PIWIL1: variants seen among roughly 807,000 people sequenced by gnomAD.
PIWIL1 encodes piwi-like protein 1.
In PIWIL1, 73 loss-of-function variants were observed where a neutral mutation model predicts 114.4. That is an observed-to-expected ratio of 0.64 (90% CI 0.53 to 0.78). The LOEUF (loss-of-function observed/expected upper bound fraction) is 0.78. PIWIL1 is among the 30% of genes least tolerant of loss of function. The pLI, the probability that PIWIL1 is intolerant of heterozygous loss-of-function variation, is 0.00. For missense variants in PIWIL1, 723 were observed against 1,063.1 expected, an observed-to-expected ratio of 0.68 and a Z score of 4.45; for synonymous variants, 375 against 369.0, an observed-to-expected ratio of 1.02 and a Z score of -0.19.
chr12:130,345,773 T>A lies in PIWIL1; in HGVS notation c.211T>A (p.Phe71Ile). Residue 71 changes from phenylalanine to isoleucine, a missense_variant, in exon 4 of 21, where the codon TTT becomes ATT. By Grantham distance (21) the Phe-to-Ile change is conservative. Around this residue, in one of 8 missense-constraint regions of PIWIL1, gnomAD observed 190 missense variants for 294.4 expected, o/e 0.65. Transcript: ENST00000245255. Reference protein sequence around the residue: ...KSQGLQISAGFQELSLAERGG... With the variant: ...KSQGLQISAGIQELSLAERGG... ...TTAAGGACTCCAGATATCTGCTGGATTTCAGGAGTTATCGTTAGCAGAGAG... is the reference window on the plus strand; with the variant it reads ...TTAAGGACTCCAGATATCTGCTGGAATTCAGGAGTTATCGTTAGCAGAGAG... 1 of 1,614,012 alleles carries A rather than the reference T, an allele frequency of 6.2e-7. No homozygotes were observed. Among genetic ancestry groups the A allele is most frequent in the Non-Finnish European group, 8.5e-7 (1 of 1,179,922 alleles).
the PIWIL1 span, among the ~76,000 whole-genome samples, chr12:130,404,662 G>C: frequency 3.4e-3 from 512 of 152,298 alleles, 7 homozygotes; most frequent in African/African-American, 0.012. Context: ...TTTTCTGACA[G>C]ATGAAAGGAA....
At chr12:130,409,673 C>T in the PIWIL1 span, among the ~76,000 whole-genome samples, 62 of 152,196 alleles carry the variant, frequency 4.1e-4, 2 homozygotes, top group African/African-American at 1.4e-3. Flanking sequence ...AGGCTTCTTT[C>T]ATCTGGATGA....
chr12:130,384,082 T>C, the PIWIL1 span, among the ~76,000 whole-genome samples: 3 of 152,320 alleles, frequency 2.0e-5, no homozygotes, highest in Admixed American at 2.0e-4. Context: ...TGCTAGAAAT[T>C]TTGGTTGTTC....
intron 3 of PIWIL1, chr12:130,345,268 A>G (rs933344413): frequency 6.5e-6 from 1 of 153,456 alleles, no homozygotes; most frequent in Non-Finnish European, 1.5e-5. Flanking sequence ...AGAGTCAGGT[A>G]GTGAGGAAGT....
At chr12:130,405,712 A>AGTTG in the PIWIL1 span, among the ~76,000 whole-genome samples, 3 of 152,164 alleles carry the variant, frequency 2.0e-5, no homozygotes, top group Non-Finnish European at 2.9e-5. Flanking sequence ...TGCTAACAGC[A>AGTTG]GTTGGCTCTA....
chr12:130,367,628 G>A (rs1378176786), intron 19 of PIWIL1, among the ~76,000 whole-genome samples: 1 of 152,202 alleles, frequency 6.6e-6, no homozygotes, highest in East Asian at 1.9e-4. Context: ...GTTGTCTAAA[G>A]GTCAAGAAGT....
chr12:130,393,158 C>T, the PIWIL1 span, among the ~76,000 whole-genome samples: 119 of 109,172 alleles, frequency 1.1e-3, no homozygotes, highest in Admixed American at 1.3e-3. Context: ...ACCATCATCA[C>T]GTGTGTCCGT....
At chr12:130,340,661 T>TGGGGGGGGGGGGGGGGGG (rs2072893442) in intron 1 of PIWIL1, among the ~76,000 whole-genome samples, 1 of 97,500 alleles carries the variant, frequency 1.0e-5, no homozygotes, top group African/African-American at 3.7e-5. Flanking sequence ...GGAGGGGGGT[T>TGGGGGGGGGGGGGGGGGG]GGTGGTGGTG....
In PIWIL1 at chr12:130,346,423, C is replaced by T. The variant is rs748278810; in HGVS notation, c.370C>T (p.Arg124Cys). ...LSTNHFRLTSRPQWALYQYHI... is the reference protein window; with the variant it reads ...LSTNHFRLTSCPQWALYQYHI... ...CACTAACCATTTCCGGCTGACATCC[C>T]GTCCCCAGTGGGCCTTATATCAGTA... is the stretch of plus-strand genomic sequence containing the variant. Residue 124 changes from arginine (R) to cysteine (C), a missense_variant, in exon 5 of 21, where the codon CGT (arginine) becomes TGT (cysteine). Physicochemically the swap from Arg to Cys is radical, Grantham distance 180. Coordinates refer to ENST00000245255, the MANE Select transcript of PIWIL1 (RefSeq NM_004764.5). 5 of 1,613,996 alleles carry T rather than the reference C, an allele frequency of 3.1e-6. No individual in the cohort carries two copies. Among genetic ancestry groups the T allele is most frequent in the African/African-American group, 2.7e-5 (2 of 74,934 alleles).
At chr12:130,425,044 C>G in the PIWIL1 span, 1 of 400,000 alleles carries the variant, frequency 2.5e-6, no homozygotes, top group Non-Finnish European at 4.3e-6. Flanking sequence ...GAATGGGTTA[C>G]GGGGCTGGGG....
chr12:130,362,913 T>C, intron 17 of PIWIL1, 77 bp downstream of exon 17: 1 of 1,611,058 alleles, frequency 6.2e-7, no homozygotes, highest in Non-Finnish European at 8.5e-7. Context: ...GTGTTATTGA[T>C]GGGCCCAGAC....
At position 130,357,187 on chromosome 12, in the gene PIWIL1, C is replaced by T. The variant is rs1381055355; in HGVS notation, c.1592+82C>T. 3.3e-5 allele frequency: 37 copies of T among 1,116,502 alleles called. No individual in the cohort carries two copies. The East Asian group carries it at 7.2e-4, about 22-fold the overall frequency. The allele number at this position is 1,116,502 out of a possible 1,614,324, so 69.2% of individuals were successfully genotyped here. A position where few individuals can be genotyped will look rare whatever the true frequency, so the allele number is the denominator to read the frequency against. The stretch of plus-strand genomic sequence containing the variant: ...TGGGAACTATTAAACATACAAACTA[C>T]GTTATCTTAATTGAAAGGTTTGATG... On this transcript the variant is annotated intron_variant, in intron 13 of 20. Coordinates refer to ENST00000245255, the MANE Select transcript of PIWIL1 (RefSeq NM_004764.5).
the PIWIL1 span, among the ~76,000 whole-genome samples, chr12:130,418,315 A>G: frequency 6.6e-6 from 1 of 152,174 alleles, no homozygotes; most frequent in Non-Finnish European, 1.5e-5. Context: ...TTTTGTTGAT[A>G]GTCCATGAAA....
the PIWIL1 span, among the ~76,000 whole-genome samples, chr12:130,384,938 T>G: frequency 6.6e-6 from 1 of 152,230 alleles, no homozygotes; most frequent in Non-Finnish European, 1.5e-5. Flanking sequence ...GTTTTTGTAT[T>G]TGAAATATTT....
Sources: allele counts gnomAD v4.1 joint callset (sites outside exome capture counted in the v4.1 genomes callset), GRCh38; gene constraint gnomAD v4.1.1; regional missense constraint gnomAD v4.1.1; transcripts MANE v1.5; gene names NCBI Gene and HGNC (gene_info 2026-07-23, HGNC 2026-07-21).